Variants in MRPL4 observed in about 807,000 individuals in gnomAD.
MRPL4 encodes the protein large ribosomal subunit protein uL4m.
A neutral mutation model predicts 34.1 loss-of-function variants in MRPL4; 34 were observed. The ratio of observed to expected loss-of-function variants is 1.00; its 90% CI spans 0.76 to 1.33. The LOEUF (loss-of-function observed/expected upper bound fraction) is 1.33, where lower values mean the gene tolerates loss of function less well. Ranked by LOEUF, MRPL4 falls within the 40% of genes most tolerant of loss-of-function variation. The pLI is 0.00. For missense variants in MRPL4, 402 were observed against 434.6 expected, an observed-to-expected ratio of 0.92 and a Z score of 0.67; for synonymous variants, 196 against 188.3, an observed-to-expected ratio of 1.04 and a Z score of -0.33.
At chr19:10,252,055 A>G (rs2039793717), upstream of MRPL4, 1 of 595,536 alleles carries the variant, frequency 1.7e-6, no homozygotes, top group Non-Finnish European at 2.8e-6. Flanking sequence ...CAGGAGTGAA[A>G]ATTGGGTCTG....
Position 10,256,701 on chromosome 19 carries a change from C to T in MRPL4, c.328-7C>T. On this transcript the variant is annotated splice_region_variant and splice_polypyrimidine_tract_variant and intron_variant, in intron 4 of 8. Transcript: ENST00000253099. Reference sequence around the variant, plus strand: ...GGACCTGACCCCCCTCCTCTTTGTGCCTCCAGAGCTATGCCAAGACCAAGA... The same window carrying T: ...GGACCTGACCCCCCTCCTCTTTGTGTCTCCAGAGCTATGCCAAGACCAAGA... 2.5e-6 allele frequency: 4 copies of T among 1,610,466 alleles called. No individual in the cohort carries two copies. Among genetic ancestry groups the T allele is most frequent in the Non-Finnish European group, 3.4e-6 (4 of 1,178,108 alleles).
intron 4 of MRPL4, 77 bp from the exon 5 acceptor site, chr19:10,256,631 C>A: frequency 8.1e-7 from 1 of 1,235,912 alleles, no homozygotes; most frequent in Non-Finnish European, 1.2e-6. Flanking sequence ...GTCTGACTTC[C>A]CCGTGGCAGG....
At chr19:10,253,489 G>GA (rs2039819010) in intron 3 of MRPL4, among the ~76,000 whole-genome samples, 2 of 87,098 alleles carry the variant, frequency 2.3e-5, no homozygotes, top group African/African-American at 8.3e-5. Context: ...AAAAAAAAAA[G>GA]AAAGAAAAGA....
At chr19:10,255,128 T>TCACTGATGTGGG (rs2039837496) in intron 4 of MRPL4, 1 of 154,398 alleles carries the variant, frequency 6.5e-6, no homozygotes, top group Non-Finnish European at 1.4e-5. Context: ...TTCTGATCAC[T>TCACTGATGTGGG]CACTGATGTG....
chr19:10,254,342 C>T (rs147815849), intron 3 of MRPL4, among the ~76,000 whole-genome samples: 3 of 152,300 alleles, frequency 2.0e-5, no homozygotes, highest in East Asian at 3.9e-4. Context: ...TTAGAAGGTA[C>T]CTTTCAGCAG....
intron 6 of MRPL4, 22 bp from the exon 7 acceptor site, chr19:10,258,391 A>G (rs1465910970): frequency 6.2e-7 from 1 of 1,613,786 alleles, no homozygotes; most frequent in African/African-American, 1.3e-5. Context: ...CCAGGGTTCA[A>G]ACCATCCTTT....
chr19:10,252,860 C>A, intron 3 of MRPL4, 159 bp downstream of exon 3: 1 of 1,069,858 alleles, frequency 9.3e-7, no homozygotes, highest in Non-Finnish European at 1.3e-6. Context: ...GTTTCCCCTG[C>A]TGTAGCGCTG....
chr19:10,256,634 G>A (rs978549061), intron 4 of MRPL4, 74 bp from the exon 5 acceptor site: 44 of 1,273,078 alleles, frequency 3.5e-5, no homozygotes, highest in South Asian at 2.4e-4. Context: ...TGACTTCCCC[G>A]TGGCAGGACT....
intron 4 of MRPL4, among the ~76,000 whole-genome samples, chr19:10,256,158 C>T (rs1185258448): frequency 6.6e-6 from 1 of 152,018 alleles, no homozygotes; most frequent in Non-Finnish European, 1.5e-5. Context: ...TGGCAGCGGG[C>T]GCCTGTAGTC....
rs1486425831 is a variant in MRPL4 at position 10,252,307 on chromosome 19, C to G, written c.54C>G (p.Ser18Arg). The change falls in exon 1 of 9, where the codon AGC (serine) becomes AGG (arginine). Residue 18 changes from serine to arginine, a missense_variant. Ser to Arg is a moderately radical substitution (Grantham distance 110). Coordinates refer to ENST00000253099, the MANE Select transcript of MRPL4 (RefSeq NM_015956.3). ...GARAWLRPTG[S>R]QGLSSLAEEA... ...GGGCCTGGCTTCGGCCTACCGGCAG[C>G]CAGGTGAGGCCAGGGGCTGGAGGCG... 1.2e-6 allele frequency: 2 copies of G among 1,609,872 alleles called. No homozygotes were observed. Among genetic ancestry groups the G allele is most frequent in the Admixed American group, 1.7e-5 (1 of 58,836 alleles).
chr19:10,259,681 C>A lies in MRPL4; in HGVS notation c.804C>A (p.Phe268Leu). ...TLVLTLPTVA[F>L]LEDKLLWQDS... ...TCCTGACGCTGCCCACCGTCGCCTT[C>A]CTGGAGGACAAGCTGCTCTGGCAGG... Residue 268 changes from phenylalanine (F) to leucine (L), a missense_variant, in exon 9 of 9, where the codon TTC becomes TTA. Phe to Leu is a conservative substitution (Grantham distance 22). Coordinates refer to ENST00000253099, the MANE Select transcript of MRPL4 (RefSeq NM_015956.3). The A allele has an allele frequency of 1.9e-6, 3 of 1,612,610 alleles. No individual in the cohort carries two copies. Among genetic ancestry groups the A allele is most frequent in the Non-Finnish European group, 2.5e-6 (3 of 1,179,738 alleles).
chr19:10,252,659 G>T lies in MRPL4; in HGVS notation c.233G>T (p.Gly78Val), dbSNP rs778753388. Residue 78 changes from glycine to valine, a missense_variant, in exon 3 of 9, where the codon GGC (glycine) becomes GTC (valine). Physicochemically the swap from Gly to Val is moderately radical, Grantham distance 109. Transcript: ENST00000253099. ...SLRGFEQERV[G>V]LADLHPDVFA... ...CGGGGCTTCGAGCAGGAGCGCGTGG[G>T]CCTGGCCGACCTGCACCCCGATGTT... is the stretch of plus-strand genomic sequence containing the variant. 2.5e-6 allele frequency: 4 copies of T among 1,607,404 alleles called. No individual in the cohort carries two copies. The highest frequency in any genetic ancestry group is 2.5e-6 in the Non-Finnish European group (3 of 1,179,826).
chr19:10,254,602 C>T lies in MRPL4; in HGVS notation c.289C>T (p.His97Tyr), dbSNP rs1599251239. 6.2e-7 allele frequency: 1 copy of T among 1,613,960 alleles called. No individual in the cohort carries two copies. Among genetic ancestry groups the T allele is most frequent in the Admixed American group, 1.7e-5 (1 of 60,010 alleles). Residue 97 changes from histidine (H) to tyrosine (Y), a missense_variant, in exon 4 of 9, where the codon CAC becomes TAC. Coordinates refer to ENST00000253099, the MANE Select transcript of MRPL4 (RefSeq NM_015956.3). Reference protein sequence around the residue: ...FATAPRLDILHQVAMWQKNFK... With the variant: ...FATAPRLDILYQVAMWQKNFK... ...TCCTCCCCGCAGGCTGGACATACTG[C>T]ACCAGGTTGCTATGTGGCAGAAGAA...
intron 3 of MRPL4, among the ~76,000 whole-genome samples, chr19:10,253,561 T>C (rs78301482): frequency 0.06 from 9,047 of 149,574 alleles, 741 homozygotes; most frequent in East Asian, 0.42. Context: ...GAGGCCGAGG[T>C]GGGCGGATCA....
In MRPL4 at chr19:10,252,694, G is replaced by A. The variant is rs759648717; in HGVS notation, c.268G>A (p.Ala90Thr). The A allele has an allele frequency of 1.9e-6, 3 of 1,602,226 alleles. No homozygotes were observed. In the East Asian group the frequency reaches 6.7e-5, roughly 36 times the overall value. The change falls in exon 3 of 9, where the codon GCG becomes ACG. Residue 90 changes from alanine to threonine, a missense_variant. Transcript: ENST00000253099. ...ADLHPDVFATAPRLDILHQVA... is the reference protein window; with the variant it reads ...ADLHPDVFATTPRLDILHQVA... ...CCTGCACCCCGATGTTTTCGCCACCGCGCCCAGGTGAGCGAGGGCTGTAAT... is the reference window on the plus strand; with the variant it reads ...CCTGCACCCCGATGTTTTCGCCACCACGCCCAGGTGAGCGAGGGCTGTAAT...
At chr19:10,252,938 G>A in intron 3 of MRPL4, 1 of 564,864 alleles carries the variant, frequency 1.8e-6, no homozygotes, top group Non-Finnish European at 3.0e-6. Context: ...GAGCCCGACT[G>A]ATTAGGTTCA....
Position 10,259,797 on chromosome 19 carries a change from C to T in MRPL4, c.920C>T (p.Thr307Ile). Reference sequence around the variant, plus strand: ...CACGCTACCCAGGGCCCAGCGGCCACCCCGTACCACTGTTGATGTGAAGCA... The same window carrying T: ...CACGCTACCCAGGGCCCAGCGGCCATCCCGTACCACTGTTGATGTGAAGCA... ...LPHATQGPAA[T>I]PYHC is the part of the protein sequence containing the mutation. Residue 307 changes from threonine (T) to isoleucine (I), a missense_variant, in exon 9 of 9, where the codon ACC (threonine) becomes ATC (isoleucine). By Grantham distance (89) the Thr-to-Ile change is moderately conservative (BLOSUM62 -1). Transcript: ENST00000253099. 1 of 1,610,606 alleles carries T rather than the reference C, an allele frequency of 6.2e-7. No individual in the cohort carries two copies. Among genetic ancestry groups the T allele is most frequent in the South Asian group, 1.1e-5 (1 of 90,894 alleles).
At chr19:10,252,779 C>T in intron 3 of MRPL4, 78 bp downstream of exon 3, 2 of 1,527,754 alleles carry the variant, frequency 1.3e-6, no homozygotes, top group Non-Finnish European at 8.8e-7. Context: ...TGACTTTGGG[C>T]TTGTACCCTT....
intron 5 of MRPL4, among the ~76,000 whole-genome samples, chr19:10,257,676 G>T (rs1172717899): frequency 6.6e-6 from 1 of 151,986 alleles, no homozygotes; most frequent in East Asian, 1.9e-4. Context: ...ACCGGAGCAT[G>T]TGCCTGATGC....
Sources: gnomAD v4.1 joint callset for allele counts (sites outside exome capture counted in the v4.1 genomes callset) on GRCh38, gnomAD v4.1.1 for gene constraint, MANE v1.5 for transcripts, NCBI Gene and HGNC (gene_info 2026-07-23, HGNC 2026-07-21) for gene names.